The following IFI35 variants were observed in gnomAD, a reference collection of about 807,000 sequenced individuals.
IFI35 encodes interferon-induced 35 kDa protein.
A neutral mutation model predicts 28.6 loss-of-function variants in IFI35; 30 were observed. The observed-to-expected ratio is 1.05, with a 90% CI of 0.79 to 1.43. The LOEUF (loss-of-function observed/expected upper bound fraction) is 1.43. Ranked by LOEUF, IFI35 falls within the 40% of genes most tolerant of loss-of-function variation. IFI35 has a pLI of 0.00. For synonymous variants in IFI35, 146 were observed against 154.8 expected (o/e 0.94, Z 0.42); for missense variants, 372 against 356.9 (o/e 1.04, Z -0.34).
chr17:43,012,855 C>T (rs2050473626), intron 2 of IFI35, 192 bp from the exon 3 acceptor site: 1 of 637,348 alleles, frequency 1.6e-6, no homozygotes, highest in African/African-American at 1.8e-5. Context: ...TACCCACCTC[C>T]CAGGACAAAT....
chr17:43,013,534 G>A lies in IFI35; in HGVS notation c.434G>A (p.Arg145Lys). Reference protein sequence around the residue: ...VLVTGFPASLRLSEEELLDKL... With the variant: ...VLVTGFPASLKLSEEELLDKL... ...GTCACTGGATTTCCTGCCAGCCTCA[G>A]GCTGAGTGAGGAGGAGCTGCTGGAC... is the stretch of plus-strand genomic sequence containing the variant. Residue 145 changes from arginine to lysine, a missense_variant, in exon 5 of 7, where the codon AGG becomes AAG. Coordinates refer to ENST00000415816, the MANE Select transcript of IFI35 (RefSeq NM_001330230.2). 1.2e-6 allele frequency: 2 copies of A among 1,614,154 alleles called. No homozygotes were observed. Among genetic ancestry groups the A allele is most frequent in the Non-Finnish European group, 1.7e-6 (2 of 1,180,010 alleles).
At chr17:43,011,370 T>C (rs1597778924) in intron 1 of IFI35, among the ~76,000 whole-genome samples, 1 of 152,068 alleles carries the variant, frequency 6.6e-6, no homozygotes, top group East Asian at 1.9e-4. Context: ...AATACAAAAA[T>C]GAGCCAGGTG....
At chr17:43,009,582 A>C (rs892590248) in intron 1 of IFI35, among the ~76,000 whole-genome samples, 2 of 151,554 alleles carry the variant, frequency 1.3e-5, no homozygotes, top group Non-Finnish European at 2.9e-5. Flanking sequence ...GTGAAACCCC[A>C]TCTCTACTAA....
intron 2 of IFI35, 173 bp downstream of exon 2, chr17:43,012,450 C>T (rs921767519): frequency 2.1e-5 from 10 of 467,182 alleles, no homozygotes; most frequent in African/African-American, 2.0e-4. Flanking sequence ...ACTAAAAATA[C>T]AAAAATTAGG....
intron 1 of IFI35, among the ~76,000 whole-genome samples, chr17:43,008,090 A>C (rs1420929452): frequency 7.0e-6 from 1 of 142,102 alleles, no homozygotes; most frequent in Non-Finnish European, 1.5e-5. Flanking sequence ...GCTGGAGTAC[A>C]GTGGCATGAT....
rs2050475513 is a variant in IFI35 at position 43,013,003 on chromosome 17, AG to A, written c.121-42del. 5 of 1,587,596 alleles carry A rather than the reference AG, an allele frequency of 3.1e-6. No homozygotes were observed. In the East Asian group the frequency reaches 1.1e-4, roughly 36 times the overall value. On this transcript the variant is annotated intron_variant, in intron 2 of 6. Transcript: ENST00000415816. ...ATGGAATCGGAGATGCCTTCCTCCT[AG>A]GTGGGAGTGAGGAACACTCCTACTC...
chr17:43,012,244 G>A lies in IFI35; in HGVS notation c.87G>A (p.Leu29=). 1 of 1,578,556 alleles carries A rather than the reference G, an allele frequency of 6.3e-7. No homozygotes were observed. The highest frequency in any genetic ancestry group is 8.6e-7 in the Non-Finnish European group (1 of 1,161,824). The change falls in exon 2 of 7, where the codon CTG becomes CTA. Residue 29 remains leucine, a synonymous_variant. Transcript: ENST00000415816. ...LKMRLWDLQQ[L]RKELGDSPKD... is the part of the protein sequence containing the mutation. ...TGAGGCTGTGGGACCTGCAGCAGCTGAGAAAGGAGCTCGGGGACTCCCCCA... is the reference window on the plus strand; with the variant it reads ...TGAGGCTGTGGGACCTGCAGCAGCTAAGAAAGGAGCTCGGGGACTCCCCCA...
chr17:43,012,210 G>T lies in IFI35; in HGVS notation c.53G>T (p.Arg18Ile). ...ALHALQEEQA[R>I]LKMRLWDLQQ... ...CACGCCCTTCAGGAGGAGCAGGCCAGACTCAAGATGAGGCTGTGGGACCTG... is the reference window on the plus strand; with the variant it reads ...CACGCCCTTCAGGAGGAGCAGGCCATACTCAAGATGAGGCTGTGGGACCTG... The change falls in exon 2 of 7, where the codon AGA becomes ATA. Residue 18 changes from arginine to isoleucine, a missense_variant. Coordinates refer to ENST00000415816, the MANE Select transcript of IFI35 (RefSeq NM_001330230.2). 6.3e-7 allele frequency: 1 copy of T among 1,578,006 alleles called. No homozygotes were observed. The highest frequency in any genetic ancestry group is 1.2e-5 in the South Asian group (1 of 85,914).
chr17:43,007,774 C>T lies in IFI35; in HGVS notation c.21+806C>T, dbSNP rs1346947592. Among the ~76,000 whole-genome samples, 7 of 147,386 alleles carry T rather than the reference C, an allele frequency of 4.7e-5. No individual in the cohort carries two copies. In the East Asian group the frequency reaches 1.0e-3, roughly 21 times the overall value. ...CTGGGAGGCAGAGGTTGCAGTGAGC[C>T]GAGATTGTACCACTATGCTCCACTC... On this transcript the variant is annotated intron_variant, in intron 1 of 6. Coordinates refer to ENST00000415816, the MANE Select transcript of IFI35 (RefSeq NM_001330230.2).
intron 1 of IFI35, 36 bp downstream of exon 1, chr17:43,007,004 C>T (rs748166392): frequency 6.2e-7 from 1 of 1,609,848 alleles, no homozygotes; most frequent in East Asian, 2.2e-5. Flanking sequence ...AGTGGGGAAA[C>T]AGGAGTAATC....
intron 1 of IFI35, among the ~76,000 whole-genome samples, chr17:43,011,432 T>C (rs937884309): frequency 4.6e-5 from 7 of 151,756 alleles, no homozygotes; most frequent in Non-Finnish European, 7.4e-5. Flanking sequence ...GGCAGGAGAA[T>C]TACTTGATCC....
At chr17:43,011,632 C>T (rs691144) in intron 1 of IFI35, among the ~76,000 whole-genome samples, 33,840 of 152,046 alleles carry the variant, frequency 0.22, 3,895 homozygotes, top group South Asian at 0.27. Context: ...ATTCATCAGA[C>T]GGGCTTAGCA....
Position 43,007,520 on chromosome 17 carries a change from A to T in IFI35, c.21+552A>T, listed in dbSNP as rs1277784948. ...ACTCTGTCTAAAAAAAAAAAAAAAA[A>T]AATTAAACTAAAGGAATTAGGCTGG... On this transcript the variant is annotated intron_variant, in intron 1 of 6. Coordinates refer to ENST00000415816, the MANE Select transcript of IFI35 (RefSeq NM_001330230.2). Among the ~76,000 whole-genome samples the T allele has an allele frequency of 3.3e-5, 5 of 149,882 alleles. No individual in the cohort carries two copies. In the East Asian group the frequency reaches 9.8e-4, roughly 29 times the overall value.
rs747914826 is a variant in IFI35, at chr17:43,013,321, G to T, written c.323G>T (p.Arg108Leu). The change falls in exon 4 of 7, where the codon CGG becomes CTG. Residue 108 changes from arginine to leucine, a missense_variant. Arg to Leu is a moderately radical substitution (Grantham distance 102). Coordinates refer to ENST00000415816, the MANE Select transcript of IFI35 (RefSeq NM_001330230.2). ...CACACGATCAACATGGAGGAGTGCCGGCTGCGGGTGCAGGTCCAGCCCTTG... is the reference window on the plus strand; with the variant it reads ...CACACGATCAACATGGAGGAGTGCCTGCTGCGGGTGCAGGTCCAGCCCTTG... ...KEHTINMEEC[R>L]LRVQVQPLEL... is the part of the protein sequence containing the mutation. 3.7e-6 allele frequency: 6 copies of T among 1,613,976 alleles called. No homozygotes were observed. The highest frequency in any genetic ancestry group is 5.1e-6 in the Non-Finnish European group (6 of 1,180,018).
intron 6 of IFI35, 30 bp downstream of exon 6, chr17:43,013,912 G>A: frequency 6.7e-7 from 1 of 1,500,094 alleles, no homozygotes; most frequent in Non-Finnish European, 9.1e-7. Flanking sequence ...AACAGGGGCT[G>A]GGCTGGGTAA....
intron 1 of IFI35, among the ~76,000 whole-genome samples, chr17:43,010,765 C>T (rs146299593): frequency 6.6e-6 from 1 of 152,314 alleles, no homozygotes; most frequent in African/African-American, 2.4e-5. Context: ...CTTCATTCAA[C>T]ACAGTTTTAC....
intron 1 of IFI35, among the ~76,000 whole-genome samples, chr17:43,008,211 T>A (rs1012512274): frequency 1.3e-5 from 2 of 150,656 alleles, no homozygotes; most frequent in Non-Finnish European, 3.0e-5. Flanking sequence ...ATTTTTTGTA[T>A]TTTTAGTAGA....
chr17:43,013,134 T>C lies in IFI35; in HGVS notation c.208T>C (p.Leu70=). The C allele has an allele frequency of 1.2e-6, 2 of 1,614,032 alleles. No homozygotes were observed. The highest frequency in any genetic ancestry group is 1.7e-6 in the Non-Finnish European group (2 of 1,180,016). The stretch of plus-strand genomic sequence containing the variant: ...AGTGCCTAAGTCTTTAGTTTCCAAT[T>C]TGCGGATCCACTGCCCTCTGCTTGC... ...PEVPKSLVSN[L]RIHCPLLAGS... Residue 70 remains leucine (L), a synonymous_variant, in exon 3 of 7, where the codon TTG becomes CTG. Coordinates refer to ENST00000415816, the MANE Select transcript of IFI35 (RefSeq NM_001330230.2).
chr17:43,013,384 G>T lies in IFI35; in HGVS notation c.375+11G>T. The T allele has an allele frequency of 6.2e-7, 1 of 1,613,580 alleles. No individual in the cohort carries two copies. The highest frequency in any genetic ancestry group is 1.1e-5 in the South Asian group (1 of 91,058). On this transcript the variant is annotated intron_variant, in intron 4 of 6. Coordinates refer to ENST00000415816, the MANE Select transcript of IFI35 (RefSeq NM_001330230.2). Reference sequence around the variant, plus strand: ...GTCACCACCATCCAGGTGATGGTATGACAGAATCCTGGGGCATGCAAAGCA... The same window carrying T: ...GTCACCACCATCCAGGTGATGGTATTACAGAATCCTGGGGCATGCAAAGCA...
Sources: allele counts gnomAD v4.1 joint callset (sites outside exome capture counted in the v4.1 genomes callset), GRCh38; gene constraint gnomAD v4.1.1; transcripts MANE v1.5; gene names NCBI Gene and HGNC (gene_info 2026-07-23, HGNC 2026-07-21).